The following GOLIM4 variants were observed in gnomAD, a reference collection of about 807,000 sequenced individuals.
GOLIM4 encodes 130 kDa golgi-localized phosphoprotein.
GOLIM4 carries 71 observed loss-of-function variants against 107.4 expected under a neutral mutation model. The ratio of observed to expected loss-of-function variants is 0.66; its 90% CI spans 0.55 to 0.81. The LOEUF (loss-of-function observed/expected upper bound fraction) is 0.81. Among genes scored for constraint, GOLIM4 ranks in the 30% least tolerant of loss-of-function variants. The probability of loss-of-function intolerance (pLI) is 0.00; values close to 1 mark genes in which losing one functional copy is unlikely to be tolerated. For synonymous variants in GOLIM4, 327 were observed against 294.8 expected (o/e 1.11, Z -1.12); for missense variants, 830 against 826.1 (o/e 1.00, Z -0.06).
At chr3:168,043,335 A>C in intron 5 of GOLIM4, 44 bp downstream of exon 5, 1 of 1,358,252 alleles carries the variant, frequency 7.4e-7, no homozygotes, top group Non-Finnish European at 1.0e-6. Flanking sequence ...CATTAATATC[A>C]GTACTTATTT....
intron 1 of GOLIM4, among the ~76,000 whole-genome samples, chr3:168,063,867 C>G (rs184158112): frequency 6.6e-6 from 1 of 151,580 alleles, no homozygotes; most frequent in Non-Finnish European, 1.5e-5. Context: ...CATGTACCCC[C>G]GAGCCTAAAA....
intron 14 of GOLIM4, among the ~76,000 whole-genome samples, chr3:168,022,833 C>A (rs866224266): frequency 6.6e-6 from 1 of 152,002 alleles, no homozygotes; most frequent in African/African-American, 2.4e-5. Flanking sequence ...CCAGGTAAAC[C>A]GAATTAGGAC....
At chr3:168,031,861 CT>C (rs1437587438) in intron 9 of GOLIM4, among the ~76,000 whole-genome samples, 22 of 152,234 alleles carry the variant, frequency 1.4e-4, no homozygotes, top group Non-Finnish European at 5.9e-5. Flanking sequence ...AGGCATCTAG[CT>C]GCACTAACTG....
chr3:168,087,989 T>C (rs983003558), intron 1 of GOLIM4, among the ~76,000 whole-genome samples: 2 of 152,222 alleles, frequency 1.3e-5, no homozygotes, highest in Non-Finnish European at 1.5e-5. Context: ...AAATATAGTT[T>C]ATCATTTTTC....
In GOLIM4 at chr3:168,044,897, AAAAAAG is replaced by A. The variant is rs1293457791; in HGVS notation, c.313-22_313-17del. On this transcript the variant is annotated splice_polypyrimidine_tract_variant and intron_variant, in intron 3 of 15. Coordinates refer to ENST00000470487, the MANE Select transcript of GOLIM4 (RefSeq NM_014498.5). ...TGGAATCTTGCTGTAAATCAAAAAA[AAAAAAG>A]AAAACACAAAGATAAATATGGCTCT... 6.7e-7 allele frequency: 1 copy of A among 1,498,264 alleles called. No individual in the cohort carries two copies. Among genetic ancestry groups the A allele is most frequent in the African/African-American group, 1.4e-5 (1 of 70,782 alleles). 92.8% of individuals were successfully genotyped at this position (1,498,264 alleles called of 1,614,324 possible).
At chr3:168,090,865 G>A (rs1721871895) in intron 1 of GOLIM4, among the ~76,000 whole-genome samples, 1 of 152,168 alleles carries the variant, frequency 6.6e-6, no homozygotes, top group Admixed American at 6.5e-5. Flanking sequence ...CATGTCTTTT[G>A]CAGCAACATG....
chr3:168,070,593 A>G (rs1327127791), intron 1 of GOLIM4, among the ~76,000 whole-genome samples: 1 of 152,242 alleles, frequency 6.6e-6, no homozygotes, highest in Non-Finnish European at 1.5e-5. Flanking sequence ...TATACATTAT[A>G]AAACCCAAAT....
chr3:168,053,526 T>C (rs1719770714), intron 1 of GOLIM4, among the ~76,000 whole-genome samples: 1 of 152,242 alleles, frequency 6.6e-6, no homozygotes. Flanking sequence ...GAACAAAGTA[T>C]GCTTTTGATA....
In GOLIM4 at chr3:168,036,433, C is replaced by T. The variant is rs558923903; in HGVS notation, c.843+403G>A. Among the ~76,000 whole-genome samples the T allele has an allele frequency of 3.9e-5, 6 of 152,232 alleles. No individual in the cohort carries two copies. In the South Asian group the frequency reaches 8.3e-4, roughly 21 times the overall value. On this transcript the variant is annotated intron_variant, in intron 8 of 15. Coordinates refer to ENST00000470487, the MANE Select transcript of GOLIM4 (RefSeq NM_014498.5). ...GCGGGCGCCTATAATCCCAGCTACT[C>T]GGGAGGCTGAGGCAGGGAGAATTGC...
chr3:168,011,722 G>A (rs1318489441), intron 14 of GOLIM4, among the ~76,000 whole-genome samples: 1 of 137,364 alleles, frequency 7.3e-6, no homozygotes, highest in East Asian at 2.0e-4. Flanking sequence ...GCCTCCTCAA[G>A]TGGGTCCCTG....
intron 1 of GOLIM4, among the ~76,000 whole-genome samples, chr3:168,070,334 A>G (rs1720771242): frequency 6.6e-6 from 1 of 152,232 alleles, no homozygotes; most frequent in South Asian, 2.1e-4. Flanking sequence ...CAGAGGTTGC[A>G]GTAAGCCGAG....
rs1718414812 is a variant in GOLIM4 at position 168,032,846 on chromosome 3, G to A, written c.850C>T (p.Arg284Ter). The A allele has an allele frequency of 1.9e-6, 3 of 1,609,326 alleles. No homozygotes were observed. The highest frequency in any genetic ancestry group is 1.7e-6 in the Non-Finnish European group (2 of 1,176,480). ...KPTREVQEVS[R>*]NNDVWQNHEA... ...TGGTTCTGCCACACATCATTATTTC[G>A]AGACACCTAGGCCAAGCACATCACT... Residue 284 changes from arginine to a stop codon, truncating the protein, a stop_gained, in exon 9 of 16, where the codon CGA (arginine) becomes TGA (stop). Coordinates refer to ENST00000470487, the MANE Select transcript of GOLIM4 (RefSeq NM_014498.5). LOFTEE classifies it high-confidence loss of function.
intron 14 of GOLIM4, among the ~76,000 whole-genome samples, chr3:168,011,084 T>G (rs181973820): frequency 6.6e-4 from 100 of 152,194 alleles, no homozygotes; most frequent in African/African-American, 2.3e-3. Context: ...CAGCTCCCAG[T>G]GTGAGCGACG....
At chr3:168,072,540 T>C (rs1720885433) in intron 1 of GOLIM4, among the ~76,000 whole-genome samples, 2 of 151,618 alleles carry the variant, frequency 1.3e-5, no homozygotes, top group Non-Finnish European at 2.9e-5. Context: ...AACACTCTGT[T>C]AAGAAAAGTT....
At chr3:168,015,530 G>A (rs1382142203) in intron 14 of GOLIM4, among the ~76,000 whole-genome samples, 1 of 136,886 alleles carries the variant, frequency 7.3e-6, no homozygotes, top group Non-Finnish European at 1.5e-5. Flanking sequence ...CACAGAATTG[G>A]AAAAAACTAC....
At position 168,065,480 on chromosome 3, in the gene GOLIM4, G is replaced by A. The variant is rs188350562; in HGVS notation, c.188-17115C>T. On this transcript the variant is annotated intron_variant, in intron 1 of 15. Coordinates refer to ENST00000470487, the MANE Select transcript of GOLIM4 (RefSeq NM_014498.5). ...CCCCATGCTTAAGGTGTCCTACAGT[G>A]AGGCTCTCTTTTTCTGTATGTATGA... Among the ~76,000 whole-genome samples the A allele has an allele frequency of 2.1e-3, 321 of 152,296 alleles. 1 individual carries two copies. Among genetic ancestry groups the A allele is most frequent in the Middle Eastern group, 0.01 (3 of 294 alleles).
intron 7 of GOLIM4, among the ~76,000 whole-genome samples, chr3:168,037,825 G>T (rs78973348): frequency 6.6e-6 from 1 of 152,234 alleles, no homozygotes; most frequent in South Asian, 2.1e-4. Context: ...GAGGCATTGT[G>T]TATACTTTGC....
chr3:168,037,290 C>G (rs1718710291), intron 7 of GOLIM4, among the ~76,000 whole-genome samples: 1 of 152,064 alleles, frequency 6.6e-6, no homozygotes, highest in Non-Finnish European at 1.5e-5. Context: ...ATAAATATCA[C>G]TATTAAAAGA....
chr3:168,047,097 T>C (rs1231057995), intron 2 of GOLIM4, 98 bp from the exon 3 acceptor site: 2 of 603,770 alleles, frequency 3.3e-6, no homozygotes, highest in Non-Finnish European at 5.8e-6. Flanking sequence ...CTTACAAAAG[T>C]GTTTTAGGTT....
Sources: allele counts gnomAD v4.1 joint callset (sites outside exome capture counted in the v4.1 genomes callset), GRCh38; gene constraint gnomAD v4.1.1; transcripts MANE v1.5; gene names NCBI Gene and HGNC (gene_info 2026-07-23, HGNC 2026-07-21).